The following PAPPA variants were observed in gnomAD, a reference collection of about 807,000 sequenced individuals.
PAPPA encodes pappalysin 1.
In PAPPA, 60 loss-of-function variants were observed where a neutral mutation model predicts 164.0. The observed-to-expected ratio is 0.37, with a 90% confidence interval of 0.30 to 0.45. The LOEUF is 0.45. Ranked by LOEUF, PAPPA falls within the 20% of genes least tolerant of loss-of-function variation. The pLI is 1.00. For synonymous variants in PAPPA, 875 were observed against 814.1 expected, an observed-to-expected ratio of 1.07 and a Z score of -1.27; for missense variants, 1,782 against 2,087.3, an observed-to-expected ratio of 0.85 and a Z score of 2.85.
chr9:116,156,185 C>G (rs1437049551), intron 1 of PAPPA, among the ~76,000 whole-genome samples: 1 of 150,070 alleles, frequency 6.7e-6, no homozygotes, highest in Non-Finnish European at 1.5e-5. Context: ...AAGGCATTCC[C>G]TGGAGAGAGG....
chr9:116,194,918 A>C (rs1405195366), intron 2 of PAPPA, among the ~76,000 whole-genome samples: 1 of 152,224 alleles, frequency 6.6e-6, no homozygotes, highest in Non-Finnish European at 1.5e-5. Flanking sequence ...AACTTTTTTT[A>C]AAGGACTAGC....
Position 116,154,152 on chromosome 9 carries a change from G to T in PAPPA, c.-21G>T, listed in dbSNP as rs756279847. The T allele has an allele frequency of 2.8e-6, 4 of 1,431,896 alleles. No individual in the cohort carries two copies. The highest frequency in any genetic ancestry group is 3.7e-6 in the Non-Finnish European group (4 of 1,081,272). The allele number at this position is 1,431,896 out of a possible 1,614,324, so 88.7% of individuals were successfully genotyped here. A position where few individuals can be genotyped will look rare whatever the true frequency, so the allele number is the denominator to read the frequency against. On this transcript the variant is annotated 5_prime_UTR_variant, in exon 1 of 22. Transcript: ENST00000328252. The surrounding 1 kb of genome is among the most constrained non-coding windows in gnomAD (Gnocchi z 5.2). ...GGGTGGCGGTGCAGGGGCGAAGGGG[G>T]GGCGGGGGGAACCGTCGGACATGCG...
intron 2 of PAPPA, among the ~76,000 whole-genome samples, chr9:116,205,748 ACT>A (rs1282138742): frequency 6.6e-6 from 1 of 151,868 alleles, no homozygotes; most frequent in African/African-American, 2.4e-5. Flanking sequence ...AGCCCTTTAC[ACT>A]CTCTTTATTA....
At chr9:116,222,479 C>T (rs1369128427) in intron 5 of PAPPA, among the ~76,000 whole-genome samples, 1 of 152,062 alleles carries the variant, frequency 6.6e-6, no homozygotes, top group African/African-American at 2.4e-5. Context: ...AGTCAAGGAG[C>T]ATCTGTATAG....
Position 116,377,594 on chromosome 9 carries a change from G to A in PAPPA, c.4624G>A (p.Gly1542Ser). The change falls in exon 20 of 22, where the codon GGT becomes AGT. Residue 1542 changes from glycine (G) to serine (S), a missense_variant. Around this residue, in one of 2 missense-constraint regions of PAPPA, gnomAD observed 1,324 missense variants for 1,656.9 expected, o/e 0.80. Coordinates refer to ENST00000328252, the MANE Select transcript of PAPPA (RefSeq NM_002581.5). ...CCCACAGAGAGTTGTCTGCACTGCT[G>A]GTCTCAAGTGGTATCCTCACCCTGC... is the stretch of plus-strand genomic sequence containing the variant. Reference protein sequence around the residue: ...TRVERVVCTAGLKWYPHPALI... With the variant: ...TRVERVVCTASLKWYPHPALI... 1 of 1,613,696 alleles carries A rather than the reference G, an allele frequency of 6.2e-7. No individual in the cohort carries two copies. Among genetic ancestry groups the A allele is most frequent in the Non-Finnish European group, 8.5e-7 (1 of 1,179,686 alleles).
intron 9 of PAPPA, among the ~76,000 whole-genome samples, chr9:116,276,532 T>C (rs1020969775): frequency 1.3e-5 from 2 of 152,058 alleles, no homozygotes; most frequent in African/African-American, 2.4e-5. Context: ...ACTGAGACTC[T>C]AAAGCTTCTT....
chr9:116,376,072 G>C (rs1429727211), intron 19 of PAPPA, among the ~76,000 whole-genome samples: 1 of 145,866 alleles, frequency 6.9e-6, no homozygotes, highest in African/African-American at 2.6e-5. Flanking sequence ...CCAGGCTAGA[G>C]TGCAGTGGTA....
chr9:116,391,965 G>A (rs1454227096), intron 21 of PAPPA, among the ~76,000 whole-genome samples: 4 of 152,126 alleles, frequency 2.6e-5, no homozygotes, highest in Non-Finnish European at 4.4e-5. Context: ...CAGTTTCTTC[G>A]TCTGTGAAGA....
At chr9:116,275,681 G>A (rs1300811097) in intron 9 of PAPPA, among the ~76,000 whole-genome samples, 1 of 147,816 alleles carries the variant, frequency 6.8e-6, no homozygotes, top group Non-Finnish European at 1.5e-5. Flanking sequence ...TCCTTCTTCT[G>A]CCTCATATTC....
In PAPPA at chr9:116,268,937, G is replaced by T. The variant is rs117326912; in HGVS notation, c.2862-2388G>T. On this transcript the variant is annotated intron_variant, in intron 8 of 21. Coordinates refer to ENST00000328252, the MANE Select transcript of PAPPA (RefSeq NM_002581.5). The stretch of plus-strand genomic sequence containing the variant: ...TTCATGGAATGATGCAAGTTAATTT[G>T]CTCTGTCTGTAAAATAATTTATGAA... Among the ~76,000 whole-genome samples, 672 of 152,122 alleles carry T rather than the reference G, an allele frequency of 4.4e-3. 3 individuals are homozygous for T. Among genetic ancestry groups the T allele is most frequent in the Non-Finnish European group, 6.1e-3 (414 of 67,996 alleles).
chr9:116,290,009 G>A (rs1430347221), intron 9 of PAPPA, among the ~76,000 whole-genome samples: 23 of 152,140 alleles, frequency 1.5e-4, no homozygotes. Flanking sequence ...GGGGAGATGA[G>A]GTCTGGATTG....
chr9:116,343,272 T>C (rs1029266341), intron 13 of PAPPA, among the ~76,000 whole-genome samples: 4 of 152,170 alleles, frequency 2.6e-5, no homozygotes, highest in Non-Finnish European at 5.9e-5. Flanking sequence ...CATCCAAGAA[T>C]GAGGATTTCA....
intron 9 of PAPPA, among the ~76,000 whole-genome samples, chr9:116,289,408 A>ATATAGCATATATATG (rs1845407387): frequency 6.9e-6 from 1 of 145,426 alleles, no homozygotes; most frequent in Non-Finnish European, 1.5e-5. Flanking sequence ...ATATATATAT[A>ATATAGCATATATATG]GCATATATAT....
chr9:116,219,321 C>G lies in PAPPA; in HGVS notation c.1919-616C>G, dbSNP rs562930908. Among the ~76,000 whole-genome samples, 9 of 152,328 alleles carry G rather than the reference C, an allele frequency of 5.9e-5. No homozygotes were observed. The South Asian group carries it at 1.9e-3, about 32-fold the overall frequency. ...AACTAGACTTGTACCTCATCATGGG[C>G]AGGAACTTTTAAAGTTTCATCTTTC... On this transcript the variant is annotated intron_variant, in intron 4 of 21. Transcript: ENST00000328252.
intron 10 of PAPPA, among the ~76,000 whole-genome samples, chr9:116,324,570 T>G (rs189386756): frequency 1.3e-5 from 2 of 152,110 alleles, no homozygotes; most frequent in African/African-American, 2.4e-5. Flanking sequence ...TCTATACAAC[T>G]ATAATCTAAC....
Position 116,362,675 on chromosome 9 carries a change from G to T in PAPPA, c.4431G>T (p.Gln1477His). The change falls in exon 18 of 22, where the codon CAG (glutamine) becomes CAT (histidine). Residue 1477 changes from glutamine to histidine, a missense_variant. Physicochemically the swap from Gln to His is conservative, Grantham distance 24. Coordinates refer to ENST00000328252, the MANE Select transcript of PAPPA (RefSeq NM_002581.5). ...ATGTCTGCCAGGAGATGCAAGGCCAGTGCTCGGTTCCAAACGAGCTCAACA... is the reference window on the plus strand; with the variant it reads ...ATGTCTGCCAGGAGATGCAAGGCCATTGCTCGGTTCCAAACGAGCTCAACA... ...SFHVCQEMQG[Q>H]CSVPNELNSN... 6.2e-7 allele frequency: 1 copy of T among 1,614,162 alleles called. No homozygotes were observed. Among genetic ancestry groups the T allele is most frequent in the Non-Finnish European group, 8.5e-7 (1 of 1,180,010 alleles).
chr9:116,299,537 A>T (rs1404367456), intron 9 of PAPPA, among the ~76,000 whole-genome samples: 2 of 152,216 alleles, frequency 1.3e-5, no homozygotes, highest in African/African-American at 4.8e-5. Flanking sequence ...TAGAGACTAG[A>T]TCTTACCCTT....
At chr9:116,334,680 A>G (rs1470252822) in intron 12 of PAPPA, among the ~76,000 whole-genome samples, 181 bp from the exon 13 acceptor site, 7 of 152,134 alleles carry the variant, frequency 4.6e-5, no homozygotes, top group African/African-American at 1.7e-4. Context: ...ATTTGGAACC[A>G]AGAAAAAAAG....
At chr9:116,390,201 A>G (rs1846872520) in intron 21 of PAPPA, among the ~76,000 whole-genome samples, 1 of 152,172 alleles carries the variant, frequency 6.6e-6, no homozygotes, top group African/African-American at 2.4e-5. Context: ...TCAGGAGGTC[A>G]GCGAAGTTTC....
Sources: gnomAD v4.1 joint callset for allele counts (sites outside exome capture counted in the v4.1 genomes callset) on GRCh38, gnomAD v4.1.1 for gene constraint, gnomAD v4.1.1 regional missense constraint, Gnocchi (gnomAD v3.1) non-coding constraint, MANE v1.5 for transcripts, NCBI Gene and HGNC (gene_info 2026-07-23, HGNC 2026-07-21) for gene names.